Variants in TRDN observed in about 807,000 individuals in gnomAD.
TRDN encodes triadin in skeletal muscle.
Under a neutral mutation model 149.7 loss-of-function variants are expected in TRDN, and 161 were observed. That is an observed-to-expected ratio of 1.08 (90% CI 0.95 to 1.23). TRDN has a LOEUF of 1.23. Among genes scored for constraint, TRDN ranks in the 50% most tolerant of loss-of-function variants. The probability of loss-of-function intolerance (pLI) is 0.00; values close to 1 mark genes in which losing one functional copy is unlikely to be tolerated. For missense variants in TRDN, 896 were observed against 823.5 expected, an observed-to-expected ratio of 1.09 and a Z score of -1.08; for synonymous variants, 294 against 250.5, an observed-to-expected ratio of 1.17 and a Z score of -1.64.
chr6:123,553,261 C>T (rs1451083454), intron 2 of TRDN, among the ~76,000 whole-genome samples: 1 of 152,074 alleles, frequency 6.6e-6, no homozygotes, highest in Admixed American at 6.6e-5. Context: ...TCCAGCATTC[C>T]CTGATGCACT....
rs538037844 is a variant in TRDN at position 123,396,875 on chromosome 6, C to T, written c.1052-3198G>A. Among the ~76,000 whole-genome samples, 174 of 152,154 alleles carry T rather than the reference C, an allele frequency of 1.1e-3. 1 individual carries two copies. Among genetic ancestry groups the T allele is most frequent in the Non-Finnish European group, 2.0e-3 (135 of 68,008 alleles). ...TTTTGACTTCATTTAATGTAAAGTG[C>T]AAATCCATTACATTTTCAAAAATAG... is the stretch of plus-strand genomic sequence containing the variant. On this transcript the variant is annotated intron_variant, in intron 12 of 40. Coordinates refer to ENST00000334268, the MANE Select transcript of TRDN (RefSeq NM_006073.4).
intron 6 of TRDN, among the ~76,000 whole-genome samples, chr6:123,515,065 T>A (rs756907139): frequency 1.3e-5 from 2 of 151,490 alleles, no homozygotes; most frequent in Non-Finnish European, 2.9e-5. Flanking sequence ...TGGACATGTA[T>A]CCCAGAACTT....
rs1776538709 is a variant in TRDN, at chr6:123,255,886, C to T, written c.1887G>A (p.Lys629=). 7 of 1,339,462 alleles carry T rather than the reference C, an allele frequency of 5.2e-6. No homozygotes were observed. The highest frequency in any genetic ancestry group is 5.8e-6 in the Non-Finnish European group (6 of 1,029,906). 83.0% of individuals were successfully genotyped at this position (1,339,462 alleles called of 1,614,324 possible). ...EKESKEKADM[K]HLREEKVSTR... ...AATTACCTTTTTCTTCTCTAAGATG[C>T]TTCATGTCTGCTTTTTCTGTATAGA... is the stretch of plus-strand genomic sequence containing the variant. The change falls in exon 36 of 41, where the codon AAG becomes AAA. Residue 629 remains lysine (K), a synonymous_variant. Coordinates refer to ENST00000334268, the MANE Select transcript of TRDN (RefSeq NM_006073.4).
intron 12 of TRDN, among the ~76,000 whole-genome samples, chr6:123,397,737 G>T (rs940282642): frequency 6.6e-6 from 1 of 152,050 alleles, no homozygotes; most frequent in African/African-American, 2.4e-5. Context: ...CATTGCAATT[G>T]GGAATTTTGT....
chr6:123,550,245 A>G (rs1215946884), intron 2 of TRDN, among the ~76,000 whole-genome samples: 1 of 152,032 alleles, frequency 6.6e-6, no homozygotes, highest in Non-Finnish European at 1.5e-5. Flanking sequence ...GGGAGGAGCC[A>G]ACAATGGATT....
At chr6:123,334,558 A>G (rs1336898397) in intron 22 of TRDN, among the ~76,000 whole-genome samples, 2 of 151,928 alleles carry the variant, frequency 1.3e-5, no homozygotes, top group Non-Finnish European at 2.9e-5. Flanking sequence ...CACTAACAGG[A>G]TTTTCTGTTT....
intron 38 of TRDN, among the ~76,000 whole-genome samples, chr6:123,240,096 A>G (rs984984525): frequency 2.0e-5 from 3 of 152,002 alleles, no homozygotes; most frequent in African/African-American, 7.2e-5. Flanking sequence ...GAAAAAAGTA[A>G]TCAAGGGAAT....
At chr6:123,590,635 G>A (rs966076680) in intron 1 of TRDN, among the ~76,000 whole-genome samples, 2 of 151,982 alleles carry the variant, frequency 1.3e-5, no homozygotes, top group African/African-American at 2.4e-5. Flanking sequence ...TGTGGCACAT[G>A]CCTATAGTCC....
intron 23 of TRDN, among the ~76,000 whole-genome samples, chr6:123,321,071 A>G (rs1431282): frequency 0.18 from 27,959 of 152,032 alleles, 3,765 homozygotes; most frequent in East Asian, 0.7. Context: ...CCATAGGTGA[A>G]TTTCAGTATG....
chr6:123,260,351 C>T (rs1776719652), intron 34 of TRDN, among the ~76,000 whole-genome samples: 1 of 151,896 alleles, frequency 6.6e-6, no homozygotes, highest in East Asian at 1.9e-4. Context: ...AATTTTCTTG[C>T]TACACTTTTT....
At chr6:123,328,087 T>A (rs972937301) in intron 23 of TRDN, among the ~76,000 whole-genome samples, 4 of 152,218 alleles carry the variant, frequency 2.6e-5, no homozygotes, top group Non-Finnish European at 4.4e-5. Flanking sequence ...CATACTGTTA[T>A]AATAATCTTC....
Position 123,457,205 on chromosome 6 carries a change from C to A in TRDN, c.931+7701G>T, listed in dbSNP as rs1485995939. On this transcript the variant is annotated intron_variant, in intron 10 of 40. Transcript: ENST00000334268. ...TAGGAAAGGGCTGTGAAGCAGGAAA[C>A]TGGCCCTGATCTCAACAGAAGGCCC... Among the ~76,000 whole-genome samples, 4 of 152,178 alleles carry A rather than the reference C, an allele frequency of 2.6e-5. No individual in the cohort carries two copies. The South Asian group carries it at 8.3e-4, about 32-fold the overall frequency.
chr6:123,577,432 G>T (rs922106559), intron 1 of TRDN, among the ~76,000 whole-genome samples: 1 of 152,074 alleles, frequency 6.6e-6, no homozygotes, highest in East Asian at 1.9e-4. Flanking sequence ...GTTTCCTAAA[G>T]ATAATAGCCT....
intron 12 of TRDN, among the ~76,000 whole-genome samples, chr6:123,432,608 A>T (rs1654310340): frequency 6.6e-6 from 1 of 152,004 alleles, no homozygotes; most frequent in Non-Finnish European, 1.5e-5. Flanking sequence ...AACACAAAAG[A>T]CTTTACTCCT....
chr6:123,291,166 A>G (rs902107672), intron 24 of TRDN, among the ~76,000 whole-genome samples: 7 of 152,022 alleles, frequency 4.6e-5, no homozygotes, highest in Non-Finnish European at 7.4e-5. Flanking sequence ...AAAAAAATGT[A>G]TTTTCTTTTC....
chr6:123,616,813 A>G (rs1785111847), intron 1 of TRDN, among the ~76,000 whole-genome samples: 1 of 152,140 alleles, frequency 6.6e-6, no homozygotes, highest in African/African-American at 2.4e-5. Context: ...TCACCTTGTC[A>G]TATCTTCTTG....
chr6:123,617,898 C>T (rs1309289650), intron 1 of TRDN, among the ~76,000 whole-genome samples: 14 of 151,914 alleles, frequency 9.2e-5, no homozygotes, highest in Non-Finnish European at 1.8e-4. Context: ...CCAACACACC[C>T]GGCTAATTTT....
rs183183065 is a variant in TRDN, at chr6:123,622,728, C to A, written c.22+14026G>T. On this transcript the variant is annotated intron_variant, in intron 1 of 40. Coordinates refer to ENST00000334268, the MANE Select transcript of TRDN (RefSeq NM_006073.4). ...TTTACACTTGTATATAGAGTTCTTG[C>A]GCATTTTGGCCTCTAGCTCAGTATT... Among the ~76,000 whole-genome samples, 2 of 152,140 alleles carry A rather than the reference C, an allele frequency of 1.3e-5. 1 individual carries two copies. The highest frequency in any genetic ancestry group is 4.1e-4 in the South Asian group (2 of 4,822).
At chr6:123,568,510 G>A (rs1182075950) in intron 2 of TRDN, among the ~76,000 whole-genome samples, 1 of 152,186 alleles carries the variant, frequency 6.6e-6, no homozygotes. Context: ...TTCTGCCTGG[G>A]CACCCAGAAT....
Sources: gnomAD v4.1 joint callset for allele counts (sites outside exome capture counted in the v4.1 genomes callset) on GRCh38, gnomAD v4.1.1 for gene constraint, MANE v1.5 for transcripts, NCBI Gene and HGNC (gene_info 2026-07-23, HGNC 2026-07-21) for gene names.